Variants in MSRA observed in about 807,000 individuals in gnomAD.
MSRA encodes the protein mitochondrial peptide methionine sulfoxide reductase.
MSRA carries 54 observed loss-of-function variants against 31.3 expected under a neutral mutation model. The observed-to-expected ratio is 1.73, with a 90% CI of 1.39 to 2.17. The LOEUF is 2.17. MSRA is among the 30% of genes most tolerant of loss of function. The probability of loss-of-function intolerance (pLI) is 0.00; values close to 1 mark genes in which losing one functional copy is unlikely to be tolerated. For synonymous variants in MSRA, 169 were observed against 116.5 expected (o/e 1.45, Z -2.90); for missense variants, 507 against 300.9 (o/e 1.69, Z -5.07).
At chr8:10,373,270 T>C (rs984245412) in intron 5 of MSRA, among the ~76,000 whole-genome samples, 3 of 152,222 alleles carry the variant, frequency 2.0e-5, no homozygotes, top group African/African-American at 7.2e-5. Context: ...TACTGACATT[T>C]TTCCAAATAG....
At chr8:10,295,391 T>A (rs958368571) in intron 3 of MSRA, among the ~76,000 whole-genome samples, 2 of 152,132 alleles carry the variant, frequency 1.3e-5, no homozygotes, top group African/African-American at 4.8e-5. Context: ...CTGCTCTCGT[T>A]CTTACTCCTT....
At chr8:10,382,367 C>G (rs1442668603) in intron 5 of MSRA, among the ~76,000 whole-genome samples, 1 of 152,168 alleles carries the variant, frequency 6.6e-6, no homozygotes, top group East Asian at 1.9e-4. Context: ...TGGTCTTCAT[C>G]TCCCAACCCA....
intron 1 of MSRA, among the ~76,000 whole-genome samples, chr8:10,118,729 G>A (rs1208009501): frequency 6.6e-6 from 1 of 152,136 alleles, no homozygotes; most frequent in East Asian, 1.9e-4. Context: ...ATCTTCAACA[G>A]CTGGTGGACT....
intron 5 of MSRA, among the ~76,000 whole-genome samples, chr8:10,355,890 G>T (rs985129156): frequency 2.0e-5 from 3 of 152,132 alleles, no homozygotes; most frequent in Admixed American, 2.0e-4. Flanking sequence ...TGTTCCATAG[G>T]CACCGGGCTC....
intron 2 of MSRA, among the ~76,000 whole-genome samples, chr8:10,232,008 C>A (rs965810856): frequency 1.3e-5 from 2 of 152,182 alleles, no homozygotes; most frequent in Non-Finnish European, 2.9e-5. Flanking sequence ...TTACTTTGAA[C>A]AGTCAGCAGC....
chr8:10,137,662 C>G (rs905219957), intron 1 of MSRA, among the ~76,000 whole-genome samples: 34 of 152,264 alleles, frequency 2.2e-4, no homozygotes, highest in African/African-American at 8.2e-4. Context: ...ACCCCACTTC[C>G]TAACAGTGTT....
Position 10,207,871 on chromosome 8 carries a change from T to C in MSRA, c.181T>C (p.Phe61Leu). 1 of 1,613,132 alleles carries C rather than the reference T, an allele frequency of 6.2e-7. No homozygotes were observed. The highest frequency in any genetic ancestry group is 8.5e-7 in the Non-Finnish European group (1 of 1,179,586). The change falls in exon 2 of 6, where the codon TTC (phenylalanine) becomes CTC (leucine). Residue 61 changes from phenylalanine (F) to leucine (L), a missense_variant. By Grantham distance (22) the Phe-to-Leu change is conservative. Coordinates refer to ENST00000317173, the MANE Select transcript of MSRA (RefSeq NM_012331.5). ...CAATGGCAACAGAACAGTCGAACCTTTCCCAGAGGGAACACAGATGGCTGT... is the reference window on the plus strand; with the variant it reads ...CAATGGCAACAGAACAGTCGAACCTCTCCCAGAGGGAACACAGATGGCTGT... ...HVNGNRTVEP[F>L]PEGTQMAVFG... is the part of the protein sequence containing the mutation.
At chr8:10,122,520 G>C (rs976533747) in intron 1 of MSRA, among the ~76,000 whole-genome samples, 1 of 151,200 alleles carries the variant, frequency 6.6e-6, no homozygotes, top group Non-Finnish European at 1.5e-5. Flanking sequence ...GGCAGTGGAA[G>C]TATTTTTTTG....
In MSRA at chr8:10,257,250, A is replaced by G. The variant is rs180902534; in HGVS notation, c.331+12027A>G. Among the ~76,000 whole-genome samples the G allele has an allele frequency of 4.0e-3, 605 of 152,252 alleles. 4 individuals carry two copies. Among genetic ancestry groups the G allele is most frequent in the Non-Finnish European group, 4.8e-3 (329 of 68,018 alleles). Reference sequence around the variant, plus strand: ...TAGGCAGCCTGGAAGTAAGAGGAAGATGACAGGCCCTCTCCGTCTCCACAA... The same window carrying G: ...TAGGCAGCCTGGAAGTAAGAGGAAGGTGACAGGCCCTCTCCGTCTCCACAA... On this transcript the variant is annotated intron_variant, in intron 3 of 5. Coordinates refer to ENST00000317173, the MANE Select transcript of MSRA (RefSeq NM_012331.5).
intron 3 of MSRA, among the ~76,000 whole-genome samples, chr8:10,265,674 C>A (rs1291876634): frequency 6.6e-6 from 1 of 152,190 alleles, no homozygotes; most frequent in Admixed American, 6.5e-5. Flanking sequence ...TAGGTAGACA[C>A]TGTAAAGCCC....
At chr8:10,124,087 C>T (rs1417556421) in intron 1 of MSRA, among the ~76,000 whole-genome samples, 1 of 151,962 alleles carries the variant, frequency 6.6e-6, no homozygotes, top group South Asian at 2.1e-4. Context: ...GGGCTGCAGC[C>T]TTGGGTGGTG....
intron 1 of MSRA, among the ~76,000 whole-genome samples, chr8:10,056,211 A>AAC (rs1802358247): frequency 1.3e-5 from 2 of 150,976 alleles, no homozygotes; most frequent in African/African-American, 2.4e-5. Flanking sequence ...AAAAAAAAAA[A>AAC]AAAAAAAAAA....
chr8:10,398,089 A>G lies in MSRA; in HGVS notation c.544-30059A>G, dbSNP rs138511321. On this transcript the variant is annotated intron_variant, in intron 5 of 5. Coordinates refer to ENST00000317173, the MANE Select transcript of MSRA (RefSeq NM_012331.5). ...GTAAAAATCTACTTTGGAGTCTATTAAAATTTGGGACCCCACTATCCAGTT... is the reference window on the plus strand; with the variant it reads ...GTAAAAATCTACTTTGGAGTCTATTGAAATTTGGGACCCCACTATCCAGTT... 2.8e-3 allele frequency among the ~76,000 whole-genome samples: 429 copies of G among 152,348 alleles called. 9 individuals are homozygous for G. Among genetic ancestry groups the G allele is most frequent in the Admixed American group, 0.024 (372 of 15,300 alleles).
chr8:10,093,970 C>T (rs553005409), intron 1 of MSRA, among the ~76,000 whole-genome samples: 7 of 152,298 alleles, frequency 4.6e-5, no homozygotes, highest in East Asian at 1.9e-4. Flanking sequence ...AATGAGAAAT[C>T]GGCTGTTAAT....
intron 2 of MSRA, among the ~76,000 whole-genome samples, chr8:10,212,070 C>G (rs1475935923): frequency 1.3e-5 from 2 of 151,876 alleles, no homozygotes; most frequent in Non-Finnish European, 2.9e-5. Flanking sequence ...ACCTCTAATC[C>G]TAGCTACTTG....
intron 1 of MSRA, among the ~76,000 whole-genome samples, chr8:10,198,703 A>G (rs1349223972): frequency 1.3e-5 from 2 of 152,194 alleles, no homozygotes; most frequent in African/African-American, 2.4e-5. Context: ...AGCTCAATGC[A>G]GCTTCTAACT....
chr8:10,107,888 C>T (rs1003490735), intron 1 of MSRA, among the ~76,000 whole-genome samples: 6 of 152,106 alleles, frequency 3.9e-5, no homozygotes, highest in Non-Finnish European at 8.8e-5. Context: ...TTAAAGACCT[C>T]CAGAGAGAGC....
chr8:10,353,663 G>A (rs1250914295), intron 5 of MSRA: 3 of 456,284 alleles, frequency 6.6e-6, no homozygotes, highest in South Asian at 4.6e-5. Context: ...CTGGGCTGCA[G>A]ACGGAGGGAA....
In MSRA at chr8:10,332,171, G is replaced by A. The variant is rs145356834; in HGVS notation, c.543+12182G>A. Among the ~76,000 whole-genome samples, 757 of 152,176 alleles carry A rather than the reference G, an allele frequency of 5.0e-3. 6 individuals are homozygous for A. The highest frequency in any genetic ancestry group is 8.2e-3 in the Non-Finnish European group (559 of 68,006). ...TTGCATGCTAGAAGCATCCCTTCTC[G>A]GTCTGTTGTATTCTCTATGCTGCAA... is the stretch of plus-strand genomic sequence containing the variant. On this transcript the variant is annotated intron_variant, in intron 5 of 5. Transcript: ENST00000317173.
Sources: gnomAD v4.1 joint callset for allele counts (sites outside exome capture counted in the v4.1 genomes callset) on GRCh38, gnomAD v4.1.1 for gene constraint, MANE v1.5 for transcripts, NCBI Gene and HGNC (gene_info 2026-07-23, HGNC 2026-07-21) for gene names.